Variants in LRFN5 observed in about 807,000 individuals in gnomAD.
LRFN5 encodes leucine rich repeat and fibronectin type III domain containing 5, also known as leucine-rich repeat and fibronectin type-III domain-containing protein 5.
In LRFN5, 24 loss-of-function variants were observed where a neutral mutation model predicts 45.6. The observed-to-expected ratio is 0.53, with a 90% CI of 0.38 to 0.74. LRFN5 has a LOEUF of 0.74. LRFN5 is among the 30% of genes least tolerant of loss of function. The pLI is 0.00. For synonymous variants in LRFN5, 340 were observed against 313.8 expected (o/e 1.08, Z -0.88); for missense variants, 776 against 861.5 (o/e 0.90, Z 1.24).
chr14:41,883,156 C>A (rs115422307), intron 2 of LRFN5, among the ~76,000 whole-genome samples: 1,532 of 146,128 alleles, frequency 0.01, 24 homozygotes, highest in African/African-American at 0.036. Context: ...CCCGCCATTT[C>A]CCCCCTTTTA....
At chr14:41,641,659 C>T (rs1879583512) in intron 1 of LRFN5, among the ~76,000 whole-genome samples, 1 of 151,936 alleles carries the variant, frequency 6.6e-6, no homozygotes, top group African/African-American at 2.4e-5. Flanking sequence ...TATAATGCCA[C>T]AGTAATAGAG....
intron 2 of LRFN5, among the ~76,000 whole-genome samples, chr14:41,814,190 T>G (rs947716309): frequency 2.6e-5 from 4 of 152,210 alleles, no homozygotes; most frequent in Admixed American, 2.6e-4. Flanking sequence ...CAATTTTGGC[T>G]TTTGTTGCAA....
intron 1 of LRFN5, among the ~76,000 whole-genome samples, chr14:41,687,381 T>A (rs772168539): frequency 6.6e-6 from 1 of 152,202 alleles, no homozygotes; most frequent in Non-Finnish European, 1.5e-5. Flanking sequence ...ACTTTTACAC[T>A]GTTGGTGGTA....
At chr14:41,885,822 G>T (rs1890548581) in intron 2 of LRFN5, among the ~76,000 whole-genome samples, 1 of 151,820 alleles carries the variant, frequency 6.6e-6, no homozygotes, top group East Asian at 1.9e-4. Context: ...TTCGAAACCA[G>T]CCAGCCCAAC....
At chr14:41,730,951 C>T (rs1405495846) in intron 1 of LRFN5, among the ~76,000 whole-genome samples, 1 of 151,864 alleles carries the variant, frequency 6.6e-6, no homozygotes, top group African/African-American at 2.4e-5. Flanking sequence ...GTGGGTAGTA[C>T]CCAATGGAGT....
chr14:41,709,836 A>G (rs1354800123), intron 1 of LRFN5, among the ~76,000 whole-genome samples: 3 of 152,084 alleles, frequency 2.0e-5, no homozygotes, highest in South Asian at 2.1e-4. Context: ...ATAGAAAAAT[A>G]TAATATTTTA....
In LRFN5 at chr14:41,704,448, C is replaced by CTCTCTGTGTGTGTGTGTGTGTGTGTGTG. The variant is rs200253065; in HGVS notation, c.-196-62405_-196-62404insCTCTGTGTGTGTGTGTGTGTGTGTGTGT. Among the ~76,000 whole-genome samples, 84 of 124,268 alleles carry CTCTCTGTGTGTGTGTGTGTGTGTGTGTG rather than the reference C, an allele frequency of 6.8e-4. 2 individuals are homozygous for CTCTCTGTGTGTGTGTGTGTGTGTGTGTG. Among genetic ancestry groups the CTCTCTGTGTGTGTGTGTGTGTGTGTGTG allele is most frequent in the African/African-American group, 3.2e-3 (84 of 25,942 alleles). The allele number at this position is 124,268 out of a possible 152,430, so 81.5% of individuals were successfully genotyped here. On this transcript the variant is annotated intron_variant, in intron 1 of 5. Transcript: ENST00000298119. ...TCTCTCTCTCTCTCTCTCTCTCTCT[C>CTCTCTGTGTGTGTGTGTGTGTGTGTGTG]TGTGTGTGTGTGTCTGTGAGATTTG...
At chr14:41,630,334 G>C (rs1391438586) in intron 1 of LRFN5, among the ~76,000 whole-genome samples, 1 of 152,072 alleles carries the variant, frequency 6.6e-6, no homozygotes, top group African/African-American at 2.4e-5. Flanking sequence ...GTCTGAATTG[G>C]CAGTTGGATC....
At chr14:41,655,581 T>C (rs1880341922) in intron 1 of LRFN5, among the ~76,000 whole-genome samples, 1 of 151,950 alleles carries the variant, frequency 6.6e-6, no homozygotes, top group Admixed American at 6.6e-5. Context: ...TTGAGAATAG[T>C]AGTGACACCA....
chr14:41,763,162 T>TA (rs1246828109), intron 1 of LRFN5, among the ~76,000 whole-genome samples: 1 of 152,202 alleles, frequency 6.6e-6, no homozygotes, highest in Non-Finnish European at 1.5e-5. Context: ...TATAAGGTTT[T>TA]ATGATGAGTA....
chr14:41,614,033 C>T (rs961397693), intron 1 of LRFN5, among the ~76,000 whole-genome samples: 28 of 152,162 alleles, frequency 1.8e-4, no homozygotes, highest in African/African-American at 6.7e-4. Context: ...ATACCAACTA[C>T]ATTACTGTGA....
At chr14:41,856,675 A>ATTTTATTTTTTTTT (rs1889472595) in intron 2 of LRFN5, among the ~76,000 whole-genome samples, 1 of 18,328 alleles carries the variant, frequency 5.5e-5, no homozygotes, top group Non-Finnish European at 1.3e-4. Flanking sequence ...TATTATTATT[A>ATTTTATTTTTTTTT]TTTTTTTTTT....
intron 2 of LRFN5, among the ~76,000 whole-genome samples, chr14:41,772,580 A>G (rs1427991321): frequency 1.3e-5 from 2 of 152,118 alleles, no homozygotes; most frequent in Non-Finnish European, 2.9e-5. Flanking sequence ...AGAATAAAAA[A>G]CCCTCAGACA....
chr14:41,817,659 G>C (rs1395191649), intron 2 of LRFN5, among the ~76,000 whole-genome samples: 1 of 152,118 alleles, frequency 6.6e-6, no homozygotes, highest in Non-Finnish European at 1.5e-5. Context: ...TATTAGAAGA[G>C]CCAGATGCTC....
chr14:41,689,451 A>G (rs1439101484), intron 1 of LRFN5, among the ~76,000 whole-genome samples: 1 of 152,162 alleles, frequency 6.6e-6, no homozygotes, highest in Non-Finnish European at 1.5e-5. Context: ...AAATTTTTTT[A>G]AAAGAATGCT....
At chr14:41,795,877 T>C (rs1887108904) in intron 2 of LRFN5, among the ~76,000 whole-genome samples, 1 of 151,776 alleles carries the variant, frequency 6.6e-6, no homozygotes, top group African/African-American at 2.4e-5. Flanking sequence ...TATATATATG[T>C]AACTAACTTG....
chr14:41,765,972 G>A (rs912529448), intron 1 of LRFN5, among the ~76,000 whole-genome samples: 2 of 151,974 alleles, frequency 1.3e-5, no homozygotes, highest in African/African-American at 2.4e-5. Flanking sequence ...ACAAGTGGAG[G>A]CAGCAGAAAT....
chr14:41,623,942 T>G (rs1888229546), intron 1 of LRFN5, among the ~76,000 whole-genome samples: 1 of 152,118 alleles, frequency 6.6e-6, no homozygotes. Context: ...GCTGACAGCC[T>G]GTGAAGAAAA....
At chr14:41,659,725 C>T (rs369734922) in intron 1 of LRFN5, among the ~76,000 whole-genome samples, 1 of 152,192 alleles carries the variant, frequency 6.6e-6, no homozygotes, top group Middle Eastern at 3.4e-3. Context: ...TGTTTCCTGA[C>T]TTTTTAATGA....
Sources: allele counts gnomAD v4.1 joint callset (sites outside exome capture counted in the v4.1 genomes callset), GRCh38; gene constraint gnomAD v4.1.1; transcripts MANE v1.5; gene names NCBI Gene and HGNC (gene_info 2026-07-23, HGNC 2026-07-21).